The following PDE2A variants were observed in gnomAD, a reference collection of about 807,000 sequenced individuals.
The protein encoded by PDE2A is cGMP-dependent 3',5'-cyclic phosphodiesterase.
In PDE2A, 53 loss-of-function variants were observed where a neutral mutation model predicts 133.6. That is an observed-to-expected ratio of 0.40 (90% confidence interval 0.32 to 0.50). The LOEUF (loss-of-function observed/expected upper bound fraction) is 0.50, where lower values mean the gene tolerates loss of function less well. Ranked by LOEUF, PDE2A falls within the 20% of genes least tolerant of loss-of-function variation. The pLI, the probability that PDE2A is intolerant of heterozygous loss-of-function variation, is 0.73. For missense variants in PDE2A, 796 were observed against 1,232.4 expected (o/e 0.65, Z 5.30); for synonymous variants, 491 against 490.2 (o/e 1.00, Z -0.02).
At chr11:72,616,226 G>A (rs433270) in intron 2 of PDE2A, among the ~76,000 whole-genome samples, 117,203 of 152,166 alleles carry the variant, frequency 0.77, 45,279 homozygotes, top group East Asian at 0.93. Flanking sequence ...TGAATGAATG[G>A]AGTGATCTCC....
At chr11:72,630,179 G>A (rs145956670) in intron 2 of PDE2A, among the ~76,000 whole-genome samples, 4 of 152,256 alleles carry the variant, frequency 2.6e-5, no homozygotes, top group Middle Eastern at 3.4e-3. Context: ...CGCTGGCTGA[G>A]CCCTGCACCG....
intron 6 of PDE2A, among the ~76,000 whole-genome samples, chr11:72,593,180 T>TACACACAC (rs111253499): frequency 0.031 from 4,690 of 149,196 alleles, 207 homozygotes; most frequent in African/African-American, 0.096. Flanking sequence ...ATGGAGGTGG[T>TACACACAC]ACACACACAC....
chr11:72,598,069 G>A (rs375110374), intron 4 of PDE2A, among the ~76,000 whole-genome samples: 1 of 152,190 alleles, frequency 6.6e-6, no homozygotes, highest in Non-Finnish European at 1.5e-5. Context: ...AGCACAGGAG[G>A]TAATCATCAT....
Position 72,626,620 on chromosome 11 carries a change from C to G in PDE2A, c.144+15634G>C, listed in dbSNP as rs75204679. ...GTAAGCTATGCTCGTATACTCGGAG[C>G]CTTCTCCCCTCCCACTCCTGCCCAC... is the stretch of plus-strand genomic sequence containing the variant. On this transcript the variant is annotated intron_variant, in intron 2 of 30. Transcript: ENST00000334456. Among the ~76,000 whole-genome samples, 14 of 152,316 alleles carry G rather than the reference C, an allele frequency of 9.2e-5. No homozygotes were observed. The East Asian group carries it at 9.6e-4, about 10-fold the overall frequency.
intron 2 of PDE2A, among the ~76,000 whole-genome samples, chr11:72,610,946 G>T (rs1857187012): frequency 6.6e-6 from 1 of 152,234 alleles, no homozygotes; most frequent in Admixed American, 6.5e-5. Context: ...CAATTCTGAA[G>T]ACTAAAAAGG....
At chr11:72,625,405 G>A (rs973858029) in intron 2 of PDE2A, among the ~76,000 whole-genome samples, 1 of 152,256 alleles carries the variant, frequency 6.6e-6, no homozygotes, top group East Asian at 1.9e-4. Flanking sequence ...CTGAACAACT[G>A]TGGACAGGAC....
intron 1 of PDE2A, among the ~76,000 whole-genome samples, chr11:72,654,753 G>A (rs990670552): frequency 6.6e-6 from 1 of 152,224 alleles, no homozygotes; most frequent in Non-Finnish European, 1.5e-5. Flanking sequence ...CTGGAGGAAC[G>A]AGACAAGATG....
At chr11:72,656,598 C>T (rs1242746121) in intron 1 of PDE2A, among the ~76,000 whole-genome samples, 8 of 152,116 alleles carry the variant, frequency 5.3e-5, no homozygotes, top group African/African-American at 1.7e-4. Context: ...AGGCCAGACA[C>T]GAGCAGAAAG....
chr11:72,638,453 C>T (rs1858801486), intron 2 of PDE2A, among the ~76,000 whole-genome samples: 1 of 152,206 alleles, frequency 6.6e-6, no homozygotes, highest in Non-Finnish European at 1.5e-5. Context: ...AGCTCACATT[C>T]TGGTAGGAGC....
chr11:72,672,137 A>G (rs1266988513), intron 1 of PDE2A, among the ~76,000 whole-genome samples: 1 of 150,808 alleles, frequency 6.6e-6, no homozygotes, highest in Non-Finnish European at 1.5e-5. Flanking sequence ...AACCCAGACA[A>G]TGCCACCGAG....
intron 1 of PDE2A, chr11:72,658,167 C>T: frequency 2.2e-6 from 1 of 455,170 alleles, no homozygotes; most frequent in South Asian, 1.6e-5. Flanking sequence ...TTTCAGGATG[C>T]CCCACCCCGA....
intron 16 of PDE2A, 199 bp downstream of exon 16, chr11:72,585,172 G>A (rs1363005683): frequency 7.7e-6 from 5 of 645,504 alleles, no homozygotes; most frequent in Non-Finnish European, 1.4e-5. Context: ...AGGAGCTGAG[G>A]ATCCAAAGCC....
chr11:72,615,010 T>G, intron 2 of PDE2A: 1 of 394,232 alleles, frequency 2.5e-6, no homozygotes, highest in Admixed American at 2.5e-5. Context: ...TCCCGCTCCA[T>G]GCCCCCATCC....
intron 1 of PDE2A, among the ~76,000 whole-genome samples, chr11:72,655,595 G>A (rs1854876417): frequency 6.6e-6 from 1 of 152,110 alleles, no homozygotes; most frequent in Non-Finnish European, 1.5e-5. Flanking sequence ...CCATAAGGAT[G>A]TGGGTTCAAA....
At chr11:72,651,237 G>A (rs878893263) in intron 1 of PDE2A, among the ~76,000 whole-genome samples, 2 of 152,202 alleles carry the variant, frequency 1.3e-5, no homozygotes, top group Admixed American at 1.3e-4. Context: ...CTGACTGCCT[G>A]AGATGCCTGA....
In PDE2A at chr11:72,591,337, C is replaced by G; in HGVS notation, c.509G>C (p.Ser170Thr). 3 of 1,614,020 alleles carry G rather than the reference C, an allele frequency of 1.9e-6. No homozygotes were observed. The highest frequency in any genetic ancestry group is 2.5e-6 in the Non-Finnish European group (3 of 1,179,890). ...CTGCAGGCTCCATTCCTCATTATCA[C>G]TCAGCTGGCCACAGTGCACCTGGAG... ...AVILVHCGQL[S>T]DNEEWSLQAV... The change falls in exon 7 of 31, where the codon AGT becomes ACT. Residue 170 changes from serine (S) to threonine (T), a missense_variant. Transcript: ENST00000334456.
intron 1 of PDE2A, 127 bp downstream of exon 1, chr11:72,674,010 G>A (rs11235563): frequency 2.2e-6 from 2 of 925,218 alleles, no homozygotes; most frequent in Non-Finnish European, 3.2e-6. Flanking sequence ...GGGGTGCCCA[G>A]GAACAGGATC....
In PDE2A at chr11:72,581,447, T is replaced by A; in HGVS notation, c.1955A>T (p.Asp652Val). Residue 652 changes from aspartate (D) to valine (V), a missense_variant, in exon 23 of 31, where the codon GAT becomes GTT. Asp to Val is a radical substitution (Grantham distance 152). Around this residue, in one of 7 missense-constraint regions of PDE2A, gnomAD observed 218 missense variants for 465.9 expected, o/e 0.47. Coordinates refer to ENST00000334456, the MANE Select transcript of PDE2A (RefSeq NM_002599.5). ...GTGCATCCAGTTGTGGTAGGGGGGATCCCGGTAGCCCTTCTTCACCATCAA... is the reference window on the plus strand; with the variant it reads ...GTGCATCCAGTTGTGGTAGGGGGGAACCCGGTAGCCCTTCTTCACCATCAA... The part of the protein sequence containing the change: ...FCLMVKKGYR[D>V]PPYHNWMHAF... 6.2e-7 allele frequency: 1 copy of A among 1,605,590 alleles called. No individual in the cohort carries two copies.
chr11:72,639,970 C>T (rs1591118222), intron 2 of PDE2A, among the ~76,000 whole-genome samples: 1 of 152,194 alleles, frequency 6.6e-6, no homozygotes, highest in Non-Finnish European at 1.5e-5. Context: ...CTCACACACA[C>T]CTCATGCACA....
Sources: gnomAD v4.1 joint callset for allele counts (sites outside exome capture counted in the v4.1 genomes callset) on GRCh38, gnomAD v4.1.1 for gene constraint, gnomAD v4.1.1 regional missense constraint, MANE v1.5 for transcripts, NCBI Gene and HGNC (gene_info 2026-07-23, HGNC 2026-07-21) for gene names.